CES5A: variants seen among roughly 807,000 people sequenced by gnomAD.
CES5A encodes the protein carboxylesterase 5.
Under a neutral mutation model 62.9 loss-of-function variants are expected in CES5A, and 67 were observed. That is an observed-to-expected ratio of 1.07 (90% confidence interval 0.88 to 1.31). The LOEUF (loss-of-function observed/expected upper bound fraction) is 1.31, where lower values mean the gene tolerates loss of function less well. Among genes scored for constraint, CES5A ranks in the 50% most tolerant of loss-of-function variants. The pLI is 0.00. For missense variants in CES5A, 748 were observed against 708.5 expected (o/e 1.06, Z -0.63); for synonymous variants, 296 against 280.8 (o/e 1.05, Z -0.54).
intron 3 of CES5A, among the ~76,000 whole-genome samples, chr16:55,871,364 T>A (rs28612141): frequency 0.99 from 150,929 of 152,380 alleles, 74,761 homozygotes; most frequent in South Asian, 1. Flanking sequence ...CTGAAAGCTT[T>A]CAGGTCACTA....
chr16:55,852,826 G>A (rs542630059), intron 10 of CES5A, 55 bp downstream of exon 10: 97 of 1,566,454 alleles, frequency 6.2e-5, no homozygotes, highest in East Asian at 2.0e-4. Flanking sequence ...ATGGATTTCC[G>A]TGGCCACCAG....
chr16:55,910,279 A>C (rs1262175861), intron 1 of CES5A, among the ~76,000 whole-genome samples: 1 of 152,178 alleles, frequency 6.6e-6, no homozygotes, highest in Non-Finnish European at 1.5e-5. Context: ...CAAAGAAGCC[A>C]AGGTAGCTGC....
intron 1 of CES5A, among the ~76,000 whole-genome samples, chr16:55,919,059 A>T (rs953762173): frequency 6.6e-6 from 1 of 151,884 alleles, no homozygotes; most frequent in African/African-American, 2.4e-5. Context: ...CCCCCTATCT[A>T]CCCCACTCCA....
In CES5A at chr16:55,955,854, T is replaced by C. The variant is rs1268327539; in HGVS notation, c.32A>G (p.His11Arg). 6 of 1,536,058 alleles carry C rather than the reference T, an allele frequency of 3.9e-6. No individual in the cohort carries two copies. The Admixed American group carries it at 7.8e-5, about 20-fold the overall frequency. ...GTGGCTAATACTCACCTTTAGGCCA[T>C]GGCATGAAGCAGGGCAAACCAGAAC... Residue 11 changes from histidine to arginine, a missense_variant, in exon 1 of 14, where the codon CAT becomes CGT. By Grantham distance (29) the His-to-Arg change is conservative (BLOSUM62 0). Coordinates refer to the CES5A transcript ENST00000521992.
Position 55,846,654 on chromosome 16 carries a change from A to G in CES5A, c.1525T>C (p.Trp509Arg), listed in dbSNP as rs988245292. The G allele has an allele frequency of 1.2e-6, 2 of 1,614,158 alleles. No homozygotes were observed. The highest frequency in any genetic ancestry group is 1.7e-5 in the Admixed American group (1 of 60,018). Residue 509 changes from tryptophan (W) to arginine (R), a missense_variant, in exon 13 of 13, where the codon TGG becomes CGG. Coordinates refer to ENST00000290567, the MANE Select transcript of CES5A (RefSeq NM_001143685.2). ...TGCTCAGTCAGATTATAAGCTGGCC[A>G]CAGAGACAGGTCGTTCCCATTAGGA... ...GNPNGNDLSL[W>R]PAYNLTEQYL...
rs777038765 is a variant in CES5A at position 55,861,435 on chromosome 16, T to C, written c.892A>G (p.Lys298Glu). 4.7e-5 allele frequency: 76 copies of C among 1,613,370 alleles called. 1 individual carries two copies. Among genetic ancestry groups the C allele is most frequent in the Non-Finnish European group, 6.2e-5 (73 of 1,179,456 alleles). ...LLRCLRTKPS[K>E]ELLTLSQKTK... is the part of the protein sequence containing the mutation. ...ACCTGGCTGAGGGTCAGCAGCTCCTTGGAGGGTTTTGTCCTCAGGCACCTC... is the reference window on the plus strand; with the variant it reads ...ACCTGGCTGAGGGTCAGCAGCTCCTCGGAGGGTTTTGTCCTCAGGCACCTC... The change falls in exon 7 of 13, where the codon AAG becomes GAG. Residue 298 changes from lysine (K) to glutamate (E), a missense_variant. By Grantham distance (56) the Lys-to-Glu change is moderately conservative. Coordinates refer to ENST00000290567, the MANE Select transcript of CES5A (RefSeq NM_001143685.2).
At chr16:55,876,422 G>T (rs537117466), upstream of CES5A, among the ~76,000 whole-genome samples, 1 of 152,206 alleles carries the variant, frequency 6.6e-6, no homozygotes, top group Non-Finnish European at 1.5e-5. Context: ...CGAAAGGGTG[G>T]TGTATGGTGG....
At chr16:55,849,587 G>C (rs756694045) in intron 11 of CES5A, 37 bp downstream of exon 11, 5 of 1,608,364 alleles carry the variant, frequency 3.1e-6, no homozygotes, top group Non-Finnish European at 4.3e-6. Flanking sequence ...TAAGCAAGGG[G>C]CTTCATGTGA....
At chr16:55,847,544 G>C (rs144474454) in intron 11 of CES5A, among the ~76,000 whole-genome samples, 10 of 152,236 alleles carry the variant, frequency 6.6e-5, no homozygotes, top group Non-Finnish European at 1.0e-4. Flanking sequence ...GCCCAGTGAC[G>C]AGCCTCAGAG....
chr16:55,932,123 T>C (rs2034319752), intron 2 of CES5A, among the ~76,000 whole-genome samples: 1 of 152,220 alleles, frequency 6.6e-6, no homozygotes, highest in Admixed American at 6.5e-5. Flanking sequence ...AAGCCAGTTT[T>C]GTTTTGACCA....
chr16:55,855,434 A>G (rs1362157784), intron 9 of CES5A, among the ~76,000 whole-genome samples: 3 of 152,220 alleles, frequency 2.0e-5, no homozygotes, highest in African/African-American at 7.2e-5. Context: ...GGAACAATAA[A>G]TGAGTGAATG....
chr16:55,893,591 A>G (rs1429134368), intron 1 of CES5A, among the ~76,000 whole-genome samples: 2 of 152,212 alleles, frequency 1.3e-5, no homozygotes, highest in Admixed American at 6.5e-5. Context: ...ATAAAAAATT[A>G]TTTAAATGTG....
chr16:55,893,746 T>C (rs2033903694), intron 1 of CES5A, among the ~76,000 whole-genome samples: 1 of 152,118 alleles, frequency 6.6e-6, no homozygotes, highest in Non-Finnish European at 1.5e-5. Context: ...TAATATAAAA[T>C]GATCTAACAT....
intron 5 of CES5A, among the ~76,000 whole-genome samples, chr16:55,864,740 T>A (rs1397698246): frequency 3.2e-4 from 48 of 151,742 alleles, no homozygotes; most frequent in African/African-American, 6.5e-4. Context: ...AAAAAAATTT[T>A]AAAAAATAAA....
In CES5A at chr16:55,846,535, A is replaced by C. The variant is rs768221015; in HGVS notation, c.1644T>G (p.Ser548=). 3.7e-6 allele frequency: 6 copies of C among 1,614,082 alleles called. No homozygotes were observed. The highest frequency in any genetic ancestry group is 1.7e-5 in the Admixed American group (1 of 60,004). Reference sequence around the variant, plus strand: ...GAGGACTGTGGAGCATGTCGGAGGCAGACAGGATCAGGGGGATGGTGCTGG... The same window carrying C: ...GAGGACTGTGGAGCATGTCGGAGGCCGACAGGATCAGGGGGATGGTGCTGG... The part of the protein sequence containing the change: ...FWTSTIPLIL[S]ASDMLHSPLS... The change falls in exon 13 of 13, where the codon TCT becomes TCG. Residue 548 remains serine, a synonymous_variant. Coordinates refer to ENST00000290567, the MANE Select transcript of CES5A (RefSeq NM_001143685.2).
At chr16:55,859,708 A>AG (rs1567327029) in intron 7 of CES5A, 21 bp from the exon 8 acceptor site, 1 of 1,592,950 alleles carries the variant, frequency 6.3e-7, no homozygotes, top group African/African-American at 1.4e-5. Flanking sequence ...GAAGAAAAAA[A>AG]AATCATCAGC....
intron 11 of CES5A, among the ~76,000 whole-genome samples, chr16:55,848,355 G>A (rs1330349478): frequency 6.6e-6 from 1 of 152,090 alleles, no homozygotes; most frequent in Non-Finnish European, 1.5e-5. Flanking sequence ...CTGGACTCAA[G>A]CAATCCTCCC....
chr16:55,905,371 C>T (rs8047290), intron 1 of CES5A, among the ~76,000 whole-genome samples: 77,062 of 148,056 alleles, frequency 0.52, 20,054 homozygotes, highest in African/African-American at 0.54. Flanking sequence ...TTAAATCTGA[C>T]TTTTTTTTTT....
chr16:55,883,957 G>A (rs2033787457), intron 1 of CES5A, among the ~76,000 whole-genome samples: 2 of 152,230 alleles, frequency 1.3e-5, no homozygotes, highest in African/African-American at 4.8e-5. Flanking sequence ...TCTAACAGGG[G>A]GGTCATGGTG....
Sources: gnomAD v4.1 joint callset for allele counts (sites outside exome capture counted in the v4.1 genomes callset) on GRCh38, gnomAD v4.1.1 for gene constraint, MANE v1.5 for transcripts, NCBI Gene and HGNC (gene_info 2026-07-23, HGNC 2026-07-21) for gene names.